TNRC6C: variants seen among roughly 807,000 people sequenced by gnomAD.
TNRC6C encodes trinucleotide repeat containing adaptor 6C, also known as trinucleotide repeat-containing gene 6C protein.
TNRC6C carries 20 observed loss-of-function variants against 153.7 expected under a neutral mutation model. The ratio of observed to expected loss-of-function variants is 0.13; its 90% confidence interval spans 0.09 to 0.19. The LOEUF is 0.19. Among genes scored for constraint, TNRC6C ranks in the 10% least tolerant of loss-of-function variants. The pLI, the probability that TNRC6C is intolerant of heterozygous loss-of-function variation, is 1.00. For missense variants in TNRC6C, 1,987 were observed against 2,172.0 expected (o/e 0.91, Z 1.69); for synonymous variants, 811 against 841.4 (o/e 0.96, Z 0.63).
intron 2 of TNRC6C, chr17:78,040,943 C>T (rs557282034): frequency 6.6e-6 from 1 of 152,280 alleles, no homozygotes; most frequent in Non-Finnish European, 1.5e-5. Flanking sequence ...GGCCCGGACG[C>T]AGACTGGCCC....
At chr17:77,958,523 G>T (rs2070830147), upstream of TNRC6C, among the ~76,000 whole-genome samples, 1 of 151,998 alleles carries the variant, frequency 6.6e-6, no homozygotes, top group Admixed American at 6.5e-5. Context: ...GCCGGGAGGG[G>T]CGCGCGGGGG....
In TNRC6C at chr17:78,070,342, A is replaced by G. The variant is rs560178684; in HGVS notation, c.2779-743A>G. On this transcript the variant is annotated intron_variant, in intron 5 of 19. Transcript: ENST00000301624. ...TAGAGCTCCATATGCTCCATGATATAGCTGTGGCAGGCTCAATTGTGAAAA... is the reference window on the plus strand; with the variant it reads ...TAGAGCTCCATATGCTCCATGATATGGCTGTGGCAGGCTCAATTGTGAAAA... Among the ~76,000 whole-genome samples, 3 of 152,356 alleles carry G rather than the reference A, an allele frequency of 2.0e-5. No homozygotes were observed. The East Asian group carries it at 5.8e-4, about 29-fold the overall frequency.
Position 77,991,375 on chromosome 17 carries a change from A to G in TNRC6C, c.-37-12795A>G, listed in dbSNP as rs558706451. Among the ~76,000 whole-genome samples the G allele has an allele frequency of 1.1e-4, 17 of 152,324 alleles. No individual in the cohort carries two copies. In the East Asian group the frequency reaches 3.3e-3, roughly 29 times the overall value. On this transcript the variant is annotated intron_variant, in intron 1 of 22. Coordinates refer to the TNRC6C transcript ENST00000636222. Reference sequence around the variant, plus strand: ...CCACTGGTTCCAGAGATGGTCAACTAACCCCCTGAATGCGTTCTCCCCATA... The same window carrying G: ...CCACTGGTTCCAGAGATGGTCAACTGACCCCCTGAATGCGTTCTCCCCATA...
chr17:78,031,247 G>A (rs1213131812), intron 1 of TNRC6C, among the ~76,000 whole-genome samples: 4 of 152,160 alleles, frequency 2.6e-5, no homozygotes, highest in Non-Finnish European at 5.9e-5. Context: ...CCAAGGGTGA[G>A]AACTGCTGCT....
chr17:78,005,039 TCTC>T, upstream of TNRC6C: 1 of 1,217,804 alleles, frequency 8.2e-7, no homozygotes. Context: ...TTTCTTTCTC[TCTC>T]TTTTTTTTTT....
chr17:78,001,931 C>T (rs540498932), upstream of TNRC6C, among the ~76,000 whole-genome samples: 12 of 152,130 alleles, frequency 7.9e-5, no homozygotes, highest in South Asian at 8.3e-4. Flanking sequence ...TATATTTAAA[C>T]GTAATTTTAA....
At chr17:78,078,479 T>C (rs2073122050) in intron 9 of TNRC6C, among the ~76,000 whole-genome samples, 1 of 152,262 alleles carries the variant, frequency 6.6e-6, no homozygotes, top group South Asian at 2.1e-4. Context: ...CTATATTTCC[T>C]GTTTGAAATG....
At chr17:77,963,902 A>G (rs1345837048) in intron 1 of TNRC6C, among the ~76,000 whole-genome samples, 1 of 152,198 alleles carries the variant, frequency 6.6e-6, no homozygotes, top group Non-Finnish European at 1.5e-5. Flanking sequence ...TGTTTGCTCT[A>G]GGAAATAAGG....
intron 2 of TNRC6C, among the ~76,000 whole-genome samples, chr17:78,045,560 T>C (rs1209730378): frequency 6.6e-6 from 1 of 152,206 alleles, no homozygotes; most frequent in Non-Finnish European, 1.5e-5. Context: ...GCTGTACAAG[T>C]GCAGCTGATT....
chr17:77,965,223 A>T (rs1019885668), intron 1 of TNRC6C, among the ~76,000 whole-genome samples: 1 of 152,166 alleles, frequency 6.6e-6, no homozygotes, highest in Non-Finnish European at 1.5e-5. Flanking sequence ...AACTCAATAC[A>T]CTTCAAAGCC....
At chr17:78,002,004 TCTC>T (rs896611627), upstream of TNRC6C, among the ~76,000 whole-genome samples, 42 of 152,274 alleles carry the variant, frequency 2.8e-4, no homozygotes, top group African/African-American at 9.6e-4. Flanking sequence ...TTTTCTTTAT[TCTC>T]CTTGCTTCTT....
intron 2 of TNRC6C, among the ~76,000 whole-genome samples, chr17:78,046,887 G>A (rs1039930456): frequency 2.0e-5 from 3 of 152,212 alleles, no homozygotes; most frequent in Admixed American, 2.0e-4. Flanking sequence ...CAAATTGGGG[G>A]CTGAGCAATC....
intron 3 of TNRC6C, among the ~76,000 whole-genome samples, chr17:78,054,073 T>C (rs1377197362): frequency 6.6e-6 from 1 of 152,180 alleles, no homozygotes; most frequent in African/African-American, 2.4e-5. Context: ...GCTACAAACC[T>C]GCACAGCATA....
chr17:78,059,321 G>A (rs567319037), intron 3 of TNRC6C, among the ~76,000 whole-genome samples: 26 of 152,310 alleles, frequency 1.7e-4, no homozygotes, highest in African/African-American at 6.3e-4. Context: ...GTGGATGTGG[G>A]ATTTTTCTTG....
In TNRC6C at chr17:78,041,371, G is replaced by A. The variant is rs150157509; in HGVS notation, c.-218-7474G>A. Among the ~76,000 whole-genome samples, 1,308 of 152,286 alleles carry A rather than the reference G, an allele frequency of 8.6e-3. 14 individuals carry two copies. Among genetic ancestry groups the A allele is most frequent in the South Asian group, 0.038 (181 of 4,824 alleles). Reference sequence around the variant, plus strand: ...TCCCTACTGTGGTTTCTCTCTGCTGGGCTGGCACGGGCAGGCCTTCCCAAA... The same window carrying A: ...TCCCTACTGTGGTTTCTCTCTGCTGAGCTGGCACGGGCAGGCCTTCCCAAA... On this transcript the variant is annotated intron_variant, in intron 2 of 19. Transcript: ENST00000301624.
chr17:78,063,477 G>A lies in TNRC6C; in HGVS notation c.2396-1245G>A, dbSNP rs114316674. On this transcript the variant is annotated intron_variant, in intron 3 of 19. Coordinates refer to ENST00000301624, the Ensembl canonical transcript of TNRC6C. ...AAATGGATCACTGAAGTTCACACCCGTGTTGTCAAGGGTCACCTGTGATTC... is the reference window on the plus strand; with the variant it reads ...AAATGGATCACTGAAGTTCACACCCATGTTGTCAAGGGTCACCTGTGATTC... 1.7e-3 allele frequency among the ~76,000 whole-genome samples: 260 copies of A among 152,010 alleles called. 3 individuals are homozygous for A. The highest frequency in any genetic ancestry group is 5.9e-3 in the African/African-American group (245 of 41,458).
At chr17:78,081,062 C>G (rs1284339008) in intron 10 of TNRC6C, among the ~76,000 whole-genome samples, 1 of 152,130 alleles carries the variant, frequency 6.6e-6, no homozygotes, top group African/African-American at 2.4e-5. Flanking sequence ...AGTCCAAGAT[C>G]AAGGTGCCAG....
At chr17:78,041,483 T>A (rs2072294335) in intron 2 of TNRC6C, among the ~76,000 whole-genome samples, 1 of 152,210 alleles carries the variant, frequency 6.6e-6, no homozygotes, top group Admixed American at 6.5e-5. Context: ...TTTACTGCCG[T>A]TTTGAAGAAA....
chr17:78,084,186 A>C (rs1049490661), intron 11 of TNRC6C, among the ~76,000 whole-genome samples: 6 of 152,038 alleles, frequency 3.9e-5, no homozygotes, highest in African/African-American at 1.4e-4. Flanking sequence ...CGGGAGGCTG[A>C]GGCAGGAGAA....
Sources: allele counts gnomAD v4.1 joint callset (sites outside exome capture counted in the v4.1 genomes callset), GRCh38; gene constraint gnomAD v4.1.1; transcripts MANE v1.5; gene names NCBI Gene and HGNC (gene_info 2026-07-23, HGNC 2026-07-21).